The following TANC2 variants were observed in gnomAD, a reference collection of about 807,000 sequenced individuals.
TANC2 encodes the protein tetratricopeptide repeat, ankyrin repeat and coiled-coil containing 2.
TANC2 carries 26 observed loss-of-function variants against 210.5 expected under a neutral mutation model. That is an observed-to-expected ratio of 0.12 (90% CI 0.09 to 0.17). TANC2 has a LOEUF of 0.17. Among genes scored for constraint, TANC2 ranks in the 10% least tolerant of loss-of-function variants. TANC2 has a pLI of 1.00. For missense variants in TANC2, 2,129 were observed against 2,608.9 expected, an observed-to-expected ratio of 0.82 and a Z score of 4.01; for synonymous variants, 931 against 967.1, an observed-to-expected ratio of 0.96 and a Z score of 0.69.
chr17:63,402,588 G>A (rs548513034), intron 19 of TANC2, among the ~76,000 whole-genome samples: 1 of 152,136 alleles, frequency 6.6e-6, no homozygotes, highest in South Asian at 2.1e-4. Flanking sequence ...TCTCTTTAGT[G>A]TCAGCATCCC....
intron 2 of TANC2, among the ~76,000 whole-genome samples, chr17:63,071,443 C>T (rs544039907): frequency 6.6e-6 from 1 of 152,088 alleles, no homozygotes; most frequent in African/African-American, 2.4e-5. Flanking sequence ...AGGTGTGAAT[C>T]ATTTTGCTCA....
chr17:63,419,808 AG>A (rs374215331), intron 27 of TANC2, among the ~76,000 whole-genome samples, 190 bp from the exon 28 acceptor site: 31 of 152,274 alleles, frequency 2.0e-4, no homozygotes, highest in African/African-American at 7.5e-4. Context: ...CGAATGGGTT[AG>A]GGAATCATTC....
chr17:63,221,384 A>C (rs2042184480), intron 7 of TANC2, among the ~76,000 whole-genome samples: 1 of 150,304 alleles, frequency 6.7e-6, no homozygotes, highest in African/African-American at 2.4e-5. Flanking sequence ...CAGAGGTTGC[A>C]GTGAGCCAAG....
chr17:63,298,552 G>A (rs1050705921), intron 9 of TANC2, among the ~76,000 whole-genome samples: 2 of 152,124 alleles, frequency 1.3e-5, no homozygotes, highest in African/African-American at 4.8e-5. Flanking sequence ...TAACTCTTTA[G>A]TAATATAGGG....
At chr17:63,280,127 A>T (rs546337921) in intron 9 of TANC2, among the ~76,000 whole-genome samples, 2 of 152,108 alleles carry the variant, frequency 1.3e-5, no homozygotes, top group Non-Finnish European at 2.9e-5. Flanking sequence ...CCTTTGTTTC[A>T]CATTTAATGA....
intron 12 of TANC2, among the ~76,000 whole-genome samples, chr17:63,341,681 GC>G (rs919748408): frequency 2.0e-5 from 3 of 152,172 alleles, no homozygotes; most frequent in Non-Finnish European, 4.4e-5. Context: ...ACCATTCATG[GC>G]ACACCTGGAG....
At chr17:63,116,865 A>G (rs189766890) in intron 4 of TANC2, among the ~76,000 whole-genome samples, 2 of 152,346 alleles carry the variant, frequency 1.3e-5, no homozygotes, top group South Asian at 2.1e-4. Flanking sequence ...CTGCAGACCT[A>G]TATTAGCTTG....
intron 17 of TANC2, among the ~76,000 whole-genome samples, chr17:63,395,202 T>C (rs552044180): frequency 7.9e-5 from 12 of 152,296 alleles, no homozygotes; most frequent in African/African-American, 2.9e-4. Context: ...CTCTAGCCAT[T>C]TGGGGCAGAT....
intron 1 of TANC2, chr17:62,968,669 C>T (rs920727170): frequency 3.9e-5 from 6 of 152,144 alleles, no homozygotes; most frequent in African/African-American, 1.4e-4. Context: ...TTATCACTGC[C>T]CCCTTGTGTA....
chr17:63,334,685 A>G (rs2045968515), intron 11 of TANC2, among the ~76,000 whole-genome samples: 1 of 152,242 alleles, frequency 6.6e-6, no homozygotes, highest in Admixed American at 6.5e-5. Context: ...ATATTTATTA[A>G]CTACAAAGGG....
chr17:63,296,882 A>G (rs1047896762), intron 9 of TANC2, among the ~76,000 whole-genome samples: 1 of 152,192 alleles, frequency 6.6e-6, no homozygotes. Flanking sequence ...AAGAAGAGAA[A>G]GAAAAAAGAA....
intron 21 of TANC2, among the ~76,000 whole-genome samples, chr17:63,408,296 G>A (rs1466581290): frequency 1.8e-4 from 27 of 152,170 alleles, no homozygotes; most frequent in Non-Finnish European, 1.5e-5. Context: ...GTTGTAAGAC[G>A]GACATTTGGG....
At chr17:63,126,810 G>GT (rs1470389977) in intron 4 of TANC2, among the ~76,000 whole-genome samples, 1 of 152,164 alleles carries the variant, frequency 6.6e-6, no homozygotes, top group Non-Finnish European at 1.5e-5. Flanking sequence ...GAGGCTAGAA[G>GT]TAAGTATGAC....
chr17:63,427,239 A>G (rs935077698), exon 28 of TANC2: 2 of 152,260 alleles, frequency 1.3e-5, no homozygotes, highest in Non-Finnish European at 2.9e-5. Flanking sequence ...TAGTACAGAC[A>G]TGTACAGTCT....
chr17:63,166,729 A>G (rs2040223140), intron 5 of TANC2, among the ~76,000 whole-genome samples: 1 of 152,166 alleles, frequency 6.6e-6, no homozygotes, highest in South Asian at 2.1e-4. Flanking sequence ...TAGGTATACC[A>G]CTTCTACCCA....
At chr17:63,055,982 AAAAAAAAAATATATATATATAT>A (rs1367444939) in intron 2 of TANC2, among the ~76,000 whole-genome samples, 30 of 34,542 alleles carry the variant, frequency 8.7e-4, no homozygotes, top group East Asian at 2.7e-3. Flanking sequence ...AAAAAAAAAA[AAAAAAAAAATATATATATATAT>A]ATATATATAT....
At chr17:63,171,715 A>G (rs546783196) in intron 5 of TANC2, among the ~76,000 whole-genome samples, 87 of 152,334 alleles carry the variant, frequency 5.7e-4, no homozygotes, top group Non-Finnish European at 8.8e-4. Context: ...ATTAAAACTG[A>G]GTATCAAAAG....
At chr17:63,251,928 G>T (rs1195581429) in intron 8 of TANC2, among the ~76,000 whole-genome samples, 1 of 152,128 alleles carries the variant, frequency 6.6e-6, no homozygotes. Context: ...GAATAGTGAT[G>T]TTCATCTTCC....
At chr17:63,076,106 C>A (rs537133072) in intron 3 of TANC2, among the ~76,000 whole-genome samples, 4 of 152,082 alleles carry the variant, frequency 2.6e-5, no homozygotes, top group Non-Finnish European at 4.4e-5. Flanking sequence ...GATGCAGTGA[C>A]AATTGGTTGA....
Sources: gnomAD v4.1 joint callset for allele counts (sites outside exome capture counted in the v4.1 genomes callset) on GRCh38, gnomAD v4.1.1 for gene constraint, MANE v1.5 for transcripts, NCBI Gene and HGNC (gene_info 2026-07-23, HGNC 2026-07-21) for gene names.